The following PGM1 variants were observed in gnomAD, a reference collection of about 807,000 sequenced individuals.
PGM1 encodes phosphoglucomutase 1, also known as phosphoglucomutase-1.
A neutral mutation model predicts 55.6 loss-of-function variants in PGM1; 52 were observed. That is an observed-to-expected ratio of 0.94 (90% CI 0.75 to 1.18). The LOEUF (loss-of-function observed/expected upper bound fraction) is 1.18, where lower values mean the gene tolerates loss of function less well. Among genes scored for constraint, PGM1 ranks in the 50% most tolerant of loss-of-function variants. The pLI, the probability that PGM1 is intolerant of heterozygous loss-of-function variation, is 0.00. For missense variants in PGM1, 724 were observed against 729.3 expected (o/e 0.99, Z 0.08); for synonymous variants, 287 against 271.7 (o/e 1.06, Z -0.55).
chr1:63,646,682 T>C (rs1366373034), intron 7 of PGM1, among the ~76,000 whole-genome samples: 1 of 152,214 alleles, frequency 6.6e-6, no homozygotes, highest in Non-Finnish European at 1.5e-5. Context: ...CTCCTGGCAC[T>C]GGCTGTTCGG....
At chr1:63,617,177 G>A (rs1009713079) in intron 1 of PGM1, among the ~76,000 whole-genome samples, 4 of 152,220 alleles carry the variant, frequency 2.6e-5, no homozygotes, top group Non-Finnish European at 5.9e-5. Context: ...GCTGTGGACT[G>A]AGGGAGCTCA....
At chr1:63,618,964 G>A (rs908030191) in intron 1 of PGM1, among the ~76,000 whole-genome samples, 7 of 152,144 alleles carry the variant, frequency 4.6e-5, no homozygotes, top group Non-Finnish European at 1.0e-4. Context: ...GAATGATCCC[G>A]AGTTGGATCC....
intron 7 of PGM1, among the ~76,000 whole-genome samples, chr1:63,640,532 A>T (rs1285360617): frequency 6.6e-6 from 1 of 152,224 alleles, no homozygotes; most frequent in Non-Finnish European, 1.5e-5. Flanking sequence ...CAATATCATC[A>T]CCACAATAAT....
Position 63,634,879 on chromosome 1 carries a change from G to A in PGM1, c.733G>A (p.Ala245Thr), listed in dbSNP as rs751982045. 1 of 1,587,938 alleles carries A rather than the reference G, an allele frequency of 6.3e-7. No individual in the cohort carries two copies. The highest frequency in any genetic ancestry group is 1.1e-5 in the South Asian group (1 of 89,442). The stretch of plus-strand genomic sequence containing the variant: ...CCTCTGTGAAGAACTCGGTGCCCCT[G>A]CGAACTCGGCAGTTAACTGCGTTCC... ...KILCEELGAP[A>T]NSAVNCVPLE... The change falls in exon 5 of 11, where the codon GCG becomes ACG. Residue 245 changes from alanine (A) to threonine (T), a missense_variant. Physicochemically the swap from Ala to Thr is moderately conservative, Grantham distance 58. Coordinates refer to ENST00000371084, the MANE Select transcript of PGM1 (RefSeq NM_002633.3).
rs866430472 is a variant in PGM1 at position 63,629,560 on chromosome 1, G to A, written c.382G>A (p.Gly128Arg). The A allele has an allele frequency of 2.5e-6, 4 of 1,613,796 alleles. No individual in the cohort carries two copies. Among genetic ancestry groups the A allele is most frequent in the Non-Finnish European group, 2.5e-6 (3 of 1,179,814 alleles). ...CCCAGGGGGCCCCAATGGAGATTTT[G>A]GAATCAAATTCAATATTTCTAATGG... ...HNPGGPNGDF[G>R]IKFNISNGGP... The change falls in exon 2 of 11, where the codon GGA becomes AGA. Residue 128 changes from glycine (G) to arginine (R), a missense_variant. Physicochemically the swap from Gly to Arg is moderately radical, Grantham distance 125. This residue lies in a region of PGM1 where 379 missense variants were observed against 357.5 expected (regional missense o/e 1.06). Coordinates refer to ENST00000371084, the MANE Select transcript of PGM1 (RefSeq NM_002633.3).
chr1:63,638,625 C>T (rs1158451194), intron 6 of PGM1, 60 bp from the exon 7 acceptor site: 1 of 1,083,616 alleles, frequency 9.2e-7, no homozygotes, highest in Non-Finnish European at 1.4e-6. Flanking sequence ...CTTTTCCGTC[C>T]CTCACATGGC....
At chr1:63,623,266 C>T in intron 1 of PGM1, 1 of 1,424,128 alleles carries the variant, frequency 7.0e-7, no homozygotes, top group South Asian at 1.6e-5. Flanking sequence ...GGGTGTGTGG[C>T]CCTTAACTTG....
intron 1 of PGM1, among the ~76,000 whole-genome samples, chr1:63,603,263 C>T (rs918388337): frequency 6.6e-6 from 1 of 152,232 alleles, no homozygotes; most frequent in African/African-American, 2.4e-5. Flanking sequence ...GAACTGCCCC[C>T]ACTCTTCCTA....
At position 63,634,897 on chromosome 1, in the gene PGM1, TG is replaced by T; in HGVS notation, c.752del (p.Cys251SerfsTer26). ...TGCCCCTGCGAACTCGGCAGTTAAC[TG>T]CGTTCCTCTGGAGGACTTTGGAGGC... is the stretch of plus-strand genomic sequence containing the variant. ...LGAPANSAVNCVPLEDFGGHH... is the reference protein window; with the variant it reads ...LGAPANSAVNXVPLEDFGGHH... On this transcript the variant is annotated frameshift_variant, in exon 5 of 11. Transcript: ENST00000371084. LOFTEE classifies it high-confidence loss of function. 6.2e-7 allele frequency: 1 copy of T among 1,613,732 alleles called. No homozygotes were observed.
Position 63,611,327 on chromosome 1 carries a change from G to C in PGM1, c.246+17593G>C, listed in dbSNP as rs142774757. Among the ~76,000 whole-genome samples, 193 of 152,212 alleles carry C rather than the reference G, an allele frequency of 1.3e-3. 2 individuals carry two copies. Among genetic ancestry groups the C allele is most frequent in the African/African-American group, 4.5e-3 (186 of 41,516 alleles). On this transcript the variant is annotated intron_variant, in intron 1 of 10. Transcript: ENST00000371084. ...GAAGACATTCTGTGTAGTGGGAGCA[G>C]CCCTTGCAAAACAAGGAGATCCTTG...
intron 3 of PGM1, 134 bp downstream of exon 3, chr1:63,630,222 T>C (rs1303160417): frequency 1.5e-5 from 14 of 947,402 alleles, no homozygotes; most frequent in Non-Finnish European, 2.4e-5. Flanking sequence ...CAAGTGTTAG[T>C]TAATTAACAA....
At chr1:63,628,074 C>T (rs1010348857) in intron 1 of PGM1, among the ~76,000 whole-genome samples, 1 of 152,110 alleles carries the variant, frequency 6.6e-6, no homozygotes, top group Non-Finnish European at 1.5e-5. Context: ...AACTCTGGAC[C>T]TCAGCTTCTT....
chr1:63,629,109 G>A lies in PGM1; in HGVS notation c.247-316G>A, dbSNP rs10489612. The stretch of plus-strand genomic sequence containing the variant: ...ATTCTTTCAATGCATCCAAATTGTG[G>A]CCCCGATCTGGAAAGGCTCTTTTTA... On this transcript the variant is annotated intron_variant, in intron 1 of 10. Coordinates refer to ENST00000371084, the MANE Select transcript of PGM1 (RefSeq NM_002633.3). 0.14 allele frequency among the ~76,000 whole-genome samples: 20,978 copies of A among 152,038 alleles called. 1,501 individuals are homozygous for A. The highest frequency in any genetic ancestry group is 0.19 in the African/African-American group (7,839 of 41,450).
At chr1:63,605,597 A>G (rs937597872) in intron 1 of PGM1, among the ~76,000 whole-genome samples, 5 of 151,754 alleles carry the variant, frequency 3.3e-5, no homozygotes, top group African/African-American at 1.2e-4. Context: ...TATTTTTTTG[A>G]GACAGGGTCT....
chr1:63,635,119 T>A (rs1374627384), intron 5 of PGM1, 100 bp downstream of exon 5: 5 of 965,812 alleles, frequency 5.2e-6, no homozygotes, highest in South Asian at 5.2e-5. Context: ...AGGGAATAAC[T>A]GTTAAGGATC....
chr1:63,622,777 T>A (rs1450345764), intron 1 of PGM1, among the ~76,000 whole-genome samples: 2 of 152,192 alleles, frequency 1.3e-5, no homozygotes, highest in South Asian at 4.1e-4. Flanking sequence ...GTTAGATAAT[T>A]TTTTTCCTGA....
intron 9 of PGM1, among the ~76,000 whole-genome samples, chr1:63,653,670 A>G (rs773055653): frequency 1.2e-4 from 19 of 152,164 alleles, no homozygotes; most frequent in Non-Finnish European, 2.2e-4. Context: ...TGAGAAGATA[A>G]TTGATGTCCA....
chr1:63,593,601 A>G lies in PGM1; in HGVS notation c.113A>G (p.Asn38Ser). Residue 38 changes from asparagine (N) to serine (S), a missense_variant, in exon 1 of 11, where the codon AAC becomes AGC. By Grantham distance (46) the Asn-to-Ser change is conservative. Around this residue, in one of 3 missense-constraint regions of PGM1, gnomAD observed 379 missense variants for 357.5 expected, o/e 1.06. Coordinates refer to ENST00000371084, the MANE Select transcript of PGM1 (RefSeq NM_002633.3). ...VFQSSANYAE[N>S]FIQSIISTVE... ...CAGAGCAGCGCCAACTACGCGGAGA[A>G]CTTCATCCAGAGTATCATCTCCACC... 1 of 1,613,552 alleles carries G rather than the reference A, an allele frequency of 6.2e-7. No individual in the cohort carries two copies. The highest frequency in any genetic ancestry group is 8.5e-7 in the Non-Finnish European group (1 of 1,179,878).
intron 1 of PGM1, among the ~76,000 whole-genome samples, chr1:63,626,819 A>G (rs140238354): frequency 9.9e-5 from 15 of 152,224 alleles, no homozygotes; most frequent in African/African-American, 3.4e-4. Flanking sequence ...TATCTCTAGA[A>G]AGTTTTCATC....
Sources: gnomAD v4.1 joint callset for allele counts (sites outside exome capture counted in the v4.1 genomes callset) on GRCh38, gnomAD v4.1.1 for gene constraint, gnomAD v4.1.1 regional missense constraint, MANE v1.5 for transcripts, NCBI Gene and HGNC (gene_info 2026-07-23, HGNC 2026-07-21) for gene names.